Variants in BCKDHA observed in about 807,000 individuals in gnomAD.
BCKDHA encodes the protein branched chain keto acid dehydrogenase E1 subunit alpha.
Under a neutral mutation model 52.2 loss-of-function variants are expected in BCKDHA, and 43 were observed. That is an observed-to-expected ratio of 0.82 (90% CI 0.64 to 1.06). The LOEUF (loss-of-function observed/expected upper bound fraction) is 1.06. Among genes scored for constraint, BCKDHA ranks in the 50% least tolerant of loss-of-function variants. The pLI, the probability that BCKDHA is intolerant of heterozygous loss-of-function variation, is 0.00. For synonymous variants in BCKDHA, 234 were observed against 247.9 expected, an observed-to-expected ratio of 0.94 and a Z score of 0.53; for missense variants, 527 against 621.3, an observed-to-expected ratio of 0.85 and a Z score of 1.61.
In BCKDHA at chr19:41,424,864, G is replaced by T. The variant is rs2039411129; in HGVS notation, c.*256G>T. 2 of 464,506 alleles carry T rather than the reference G, an allele frequency of 4.3e-6. No individual in the cohort carries two copies. Among genetic ancestry groups the T allele is most frequent in the Non-Finnish European group, 7.7e-6 (2 of 259,350 alleles). The allele number at this position is 464,506 out of a possible 1,614,324, so 28.8% of individuals were successfully genotyped here. A position where few individuals can be genotyped will look rare whatever the true frequency, so the allele number is the denominator to read the frequency against. On this transcript the variant is annotated 3_prime_UTR_variant, in exon 9 of 9. Transcript: ENST00000269980. Reference sequence around the variant, plus strand: ...TGTTGTTACAGTGCCTTCTCCCAGGGGCTGGGTGAGGGCACATTCAGGACT... The same window carrying T: ...TGTTGTTACAGTGCCTTCTCCCAGGTGCTGGGTGAGGGCACATTCAGGACT...
Position 41,422,293 on chromosome 19 carries a change from CCAT to C in BCKDHA, c.781_783del (p.Ile261del). 1 of 1,614,192 alleles carries C rather than the reference CCAT, an allele frequency of 6.2e-7. No homozygotes were observed. The highest frequency in any genetic ancestry group is 8.5e-7 in the Non-Finnish European group (1 of 1,180,022). ...AACTTCGCTGCCACACTTGAGTGCC[CCAT>C]CATCTTCTTCTGCCGGAACAATGGC... is the stretch of plus-strand genomic sequence containing the variant. On this transcript the variant is annotated inframe_deletion, in exon 6 of 9. Coordinates refer to ENST00000269980, the MANE Select transcript of BCKDHA (RefSeq NM_000709.4).
At chr19:41,411,409 G>A (rs769390219) in intron 3 of BCKDHA, among the ~76,000 whole-genome samples, 15 of 152,108 alleles carry the variant, frequency 9.9e-5, no homozygotes, top group Non-Finnish European at 2.1e-4. Flanking sequence ...CTAGTATCAG[G>A]GACAAGGATC....
chr19:41,405,866 G>A (rs2039186706), intron 1 of BCKDHA, among the ~76,000 whole-genome samples: 1 of 152,216 alleles, frequency 6.6e-6, no homozygotes, highest in African/African-American at 2.4e-5. Flanking sequence ...GGCAGGTTGT[G>A]CTTTCCTGCA....
chr19:41,412,302 A>G (rs1162593405), intron 3 of BCKDHA, among the ~76,000 whole-genome samples: 1 of 138,252 alleles, frequency 7.2e-6, no homozygotes, highest in Non-Finnish European at 1.6e-5. Context: ...CACACCAGAA[A>G]CCTCATCTCA....
intron 1 of BCKDHA, 41 bp downstream of exon 1, chr19:41,397,976 A>G: frequency 5.2e-6 from 8 of 1,526,244 alleles, no homozygotes; most frequent in Non-Finnish European, 7.2e-6. Context: ...AAAGGGGATT[A>G]GGGATGTAAA....
chr19:41,419,914 T>C (rs532937774), intron 5 of BCKDHA, among the ~76,000 whole-genome samples: 49 of 152,116 alleles, frequency 3.2e-4, no homozygotes, highest in Non-Finnish European at 6.6e-4. Flanking sequence ...ATTATGGGCA[T>C]ATGCCATTGT....
At chr19:41,413,111 C>T (rs1196076608) in intron 3 of BCKDHA, among the ~76,000 whole-genome samples, 3 of 152,196 alleles carry the variant, frequency 2.0e-5, no homozygotes, top group African/African-American at 7.2e-5. Flanking sequence ...GACCTTCGTG[C>T]TCTGCTTGTG....
chr19:41,420,546 C>G (rs2039353150), intron 5 of BCKDHA, among the ~76,000 whole-genome samples: 1 of 151,426 alleles, frequency 6.6e-6, no homozygotes, highest in Non-Finnish European at 1.5e-5. Flanking sequence ...TTGCAGTGAG[C>G]TGAGATCGTG....
Position 41,422,733 on chromosome 19 carries a change from G to T in BCKDHA, c.958G>T (p.Glu320Ter). The T allele has an allele frequency of 6.2e-7, 1 of 1,614,030 alleles. No individual in the cohort carries two copies. The highest frequency in any genetic ancestry group is 1.1e-5 in the South Asian group (1 of 91,082). ...GGAGGCCCGACGGCGGGCTGTGGCA[G>T]AGAACCAGCCCTTCCTCATCGAGGC... ...TKEARRRAVA[E>*]NQPFLIEAMT... The change falls in exon 7 of 9, where the codon GAG (glutamate) becomes TAG (stop). Residue 320 changes from glutamate to a stop codon, truncating the protein, a stop_gained. Transcript: ENST00000269980. LOFTEE classifies it high-confidence loss of function.
intron 8 of BCKDHA, among the ~76,000 whole-genome samples, chr19:41,423,582 A>T (rs2039394109): frequency 6.6e-6 from 1 of 152,224 alleles, no homozygotes; most frequent in Admixed American, 6.5e-5. Flanking sequence ...CTGTAATCCC[A>T]GCACTTTGGG....
At chr19:41,410,167 G>A (rs1568503493) in intron 1 of BCKDHA, among the ~76,000 whole-genome samples, 1 of 152,176 alleles carries the variant, frequency 6.6e-6, no homozygotes, top group Non-Finnish European at 1.5e-5. Flanking sequence ...GGGATCAGAA[G>A]AGAGCTGGTC....
chr19:41,422,803 A>G, intron 7 of BCKDHA, 33 bp downstream of exon 7: 1 of 1,611,780 alleles, frequency 6.2e-7, no homozygotes, highest in Non-Finnish European at 8.5e-7. Flanking sequence ...GCACCCCCAC[A>G]GCACTGACAG....
rs1180441222 is a variant in BCKDHA at position 41,419,128 on chromosome 19, C to G, written c.485-7C>G. Reference sequence around the variant, plus strand: ...ACTCGGCTAACCATTGCCTCCTCCCCTCCTAGGTGTGCTGATGTATCGGGA... The same window carrying G: ...ACTCGGCTAACCATTGCCTCCTCCCGTCCTAGGTGTGCTGATGTATCGGGA... On this transcript the variant is annotated splice_region_variant and splice_polypyrimidine_tract_variant and intron_variant, in intron 4 of 8. Coordinates refer to ENST00000269980, the MANE Select transcript of BCKDHA (RefSeq NM_000709.4). The G allele has an allele frequency of 4.3e-6, 7 of 1,613,978 alleles. No individual in the cohort carries two copies. Among genetic ancestry groups the G allele is most frequent in the Non-Finnish European group, 5.9e-6 (7 of 1,179,984 alleles).
chr19:41,413,372 G>T lies in BCKDHA; in HGVS notation c.376-677G>T, dbSNP rs75452443. On this transcript the variant is annotated intron_variant, in intron 3 of 8. Coordinates refer to ENST00000269980, the MANE Select transcript of BCKDHA (RefSeq NM_000709.4). ...TTAGGGGATTTGGGAGAAGGGAACT[G>T]GGCACTGGTGTGGCCAGCTGACAGG... 1.6e-4 allele frequency among the ~76,000 whole-genome samples: 24 copies of T among 152,302 alleles called. No homozygotes were observed. In the East Asian group the frequency reaches 4.4e-3, roughly 28 times the overall value.
rs144235453 is a variant in BCKDHA, at chr19:41,400,724, A to G, written c.108+2789A>G. Among the ~76,000 whole-genome samples the G allele has an allele frequency of 5.4e-3, 822 of 151,664 alleles. 10 individuals carry two copies. The highest frequency in any genetic ancestry group is 0.019 in the African/African-American group (775 of 41,400). On this transcript the variant is annotated intron_variant, in intron 1 of 8. Coordinates refer to ENST00000269980, the MANE Select transcript of BCKDHA (RefSeq NM_000709.4). ...ATGAGTTTAAGTTTAAGTAGCCACAAGTGGGCTGGGTGCGGTGGCTCATGC... is the reference window on the plus strand; with the variant it reads ...ATGAGTTTAAGTTTAAGTAGCCACAGGTGGGCTGGGTGCGGTGGCTCATGC...
intron 1 of BCKDHA, among the ~76,000 whole-genome samples, chr19:41,399,033 A>G (rs2039107955): frequency 6.6e-6 from 1 of 152,148 alleles, no homozygotes; most frequent in South Asian, 2.1e-4. Flanking sequence ...TGGGGAGAAG[A>G]AAGGGGTGAC....
chr19:41,424,355 A>C, intron 8 of BCKDHA, 83 bp from the exon 9 acceptor site: 1 of 1,521,688 alleles, frequency 6.6e-7, no homozygotes, highest in East Asian at 2.3e-5. Flanking sequence ...GGAGTGGTTA[A>C]TTCCTTGCCA....
At chr19:41,420,653 C>T (rs1041576150) in intron 5 of BCKDHA, among the ~76,000 whole-genome samples, 2 of 151,990 alleles carry the variant, frequency 1.3e-5, no homozygotes, top group African/African-American at 2.4e-5. Context: ...TCATGTGGCA[C>T]AGAGGGAGAG....
chr19:41,398,029 G>T, intron 1 of BCKDHA, 94 bp downstream of exon 1: 8 of 1,069,478 alleles, frequency 7.5e-6, no homozygotes, highest in Non-Finnish European at 1.1e-5. Flanking sequence ...TATGAAGGAA[G>T]GGCTGTCACA....
Sources: allele counts gnomAD v4.1 joint callset (sites outside exome capture counted in the v4.1 genomes callset), GRCh38; gene constraint gnomAD v4.1.1; transcripts MANE v1.5; gene names NCBI Gene and HGNC (gene_info 2026-07-23, HGNC 2026-07-21).